Variants in ATP2C2 observed in about 807,000 individuals in gnomAD.
ATP2C2 encodes calcium-transporting ATPase type 2C member 2.
Under a neutral mutation model 110.8 loss-of-function variants are expected in ATP2C2, and 171 were observed. That is an observed-to-expected ratio of 1.54 (90% confidence interval 1.36 to 1.75). The LOEUF is 1.75. ATP2C2 is among the 40% of genes most tolerant of loss of function. The probability of loss-of-function intolerance (pLI) is 0.00; values close to 1 mark genes in which losing one functional copy is unlikely to be tolerated. For missense variants in ATP2C2, 1,963 were observed against 1,235.0 expected (o/e 1.59, Z -8.84); for synonymous variants, 804 against 508.4 (o/e 1.58, Z -7.82).
intron 1 of ATP2C2, among the ~76,000 whole-genome samples, chr16:84,385,608 T>G (rs966819994): frequency 6.6e-6 from 1 of 152,218 alleles, no homozygotes; most frequent in Non-Finnish European, 1.5e-5. Flanking sequence ...TATCTGAGAC[T>G]GAGTAATTTA....
chr16:84,432,743 A>C (rs146475398), intron 11 of ATP2C2, among the ~76,000 whole-genome samples: 7,193 of 151,464 alleles, frequency 0.047, 186 homozygotes, highest in Middle Eastern at 0.075. Context: ...CTCATCTCGA[A>C]CTCCTGACCT....
intron 18 of ATP2C2, 112 bp from the exon 19 acceptor site, chr16:84,453,026 C>T (rs761793686): frequency 2.7e-6 from 3 of 1,130,524 alleles, no homozygotes; most frequent in Admixed American, 4.3e-5. Flanking sequence ...CCTCAGTAAA[C>T]CGTCTCCAGC....
chr16:84,422,573 G>A (rs377548282), intron 8 of ATP2C2, 34 bp downstream of exon 8: 48 of 1,611,590 alleles, frequency 3.0e-5, no homozygotes, highest in South Asian at 5.5e-5. Context: ...TTGGGCTCCC[G>A]TAACCCACAG....
intron 1 of ATP2C2, among the ~76,000 whole-genome samples, chr16:84,387,650 G>T (rs1056243536): frequency 1.3e-5 from 2 of 152,232 alleles, no homozygotes; most frequent in Non-Finnish European, 2.9e-5. Flanking sequence ...GTTATTCATG[G>T]AAATGCACCA....
Position 84,460,867 on chromosome 16 carries a change from T to A in ATP2C2, c.2481+66T>A. ...GCGGTGCAGACGCTGGGGACTGCAGTCCCTGCCCTCCTGCCACAGCTCACA... is the reference window on the plus strand; with the variant it reads ...GCGGTGCAGACGCTGGGGACTGCAGACCCTGCCCTCCTGCCACAGCTCACA... On this transcript the variant is annotated intron_variant, in intron 24 of 26. Coordinates refer to ENST00000262429, the MANE Select transcript of ATP2C2 (RefSeq NM_014861.4). 1.3e-6 allele frequency: 2 copies of A among 1,513,446 alleles called. 1 individual carries two copies. The highest frequency in any genetic ancestry group is 4.0e-5 in the Admixed American group (2 of 50,020). 93.8% of individuals were successfully genotyped at this position (1,513,446 alleles called of 1,614,324 possible). A position where few individuals can be genotyped will look rare whatever the true frequency, so the allele number is the denominator to read the frequency against.
At chr16:84,451,182 A>G (rs757300189) in intron 17 of ATP2C2, among the ~76,000 whole-genome samples, 13 of 152,168 alleles carry the variant, frequency 8.5e-5, no homozygotes, top group Non-Finnish European at 1.8e-4. Flanking sequence ...ATGAGAGCCA[A>G]GCCTAAGGGG....
intron 11 of ATP2C2, among the ~76,000 whole-genome samples, chr16:84,431,525 T>C (rs1488943311): frequency 2.9e-4 from 44 of 151,580 alleles, no homozygotes. Flanking sequence ...TAGAAGGGGA[T>C]GGACTGGAAG....
rs1567701412 is a variant in ATP2C2 at position 84,408,441 on chromosome 16, G to A, written c.364G>A (p.Ala122Thr). 1 of 1,613,838 alleles carries A rather than the reference G, an allele frequency of 6.2e-7. No individual in the cohort carries two copies. Among genetic ancestry groups the A allele is most frequent in the Non-Finnish European group, 8.5e-7 (1 of 1,180,000 alleles). Residue 122 changes from alanine to threonine, a missense_variant, in exon 4 of 27, where the codon GCC becomes ACC. Transcript: ENST00000262429. ...CCTGATCCTGCTGCTGCTGGGCTCT[G>A]CCCTGGTGAGTGTCCTCACCAAGGA... ...NPLILLLLGS[A>T]LVSVLTKEYE...
intron 26 of ATP2C2, 132 bp from the exon 27 acceptor site, chr16:84,463,482 C>A: frequency 4.0e-6 from 3 of 744,948 alleles, no homozygotes; most frequent in African/African-American, 1.7e-5. Flanking sequence ...ATCTCCCTGC[C>A]TTCAGGGGAA....
rs763590348 is a variant in ATP2C2, at chr16:84,461,822, G to C, written c.2580+10G>C. The C allele has an allele frequency of 5.6e-6, 9 of 1,612,884 alleles. No homozygotes were observed. In the Admixed American group the frequency reaches 1.3e-4, roughly 24 times the overall value. On this transcript the variant is annotated intron_variant, in intron 25 of 26. Coordinates refer to ENST00000262429, the MANE Select transcript of ATP2C2 (RefSeq NM_014861.4). ...GACCTGCCGCTCTCAGGTGAGACCCGGGCTGACCCTCCTCGCTGCAGAGCT... is the reference window on the plus strand; with the variant it reads ...GACCTGCCGCTCTCAGGTGAGACCCCGGCTGACCCTCCTCGCTGCAGAGCT...
chr16:84,419,510 T>C lies in ATP2C2; in HGVS notation c.625-2880T>C, dbSNP rs569065024. On this transcript the variant is annotated intron_variant, in intron 7 of 26. Coordinates refer to ENST00000262429, the MANE Select transcript of ATP2C2 (RefSeq NM_014861.4). ...CCTTCAGTTAGTCACGTCTGCATAGTCTCTGTCACCACATCAGAGAACACA... is the reference window on the plus strand; with the variant it reads ...CCTTCAGTTAGTCACGTCTGCATAGCCTCTGTCACCACATCAGAGAACACA... Among the ~76,000 whole-genome samples, 13 of 152,314 alleles carry C rather than the reference T, an allele frequency of 8.5e-5. No individual in the cohort carries two copies. In the East Asian group the frequency reaches 2.5e-3, roughly 29 times the overall value.
At chr16:84,402,025 T>C (rs1905358511) in intron 2 of ATP2C2, among the ~76,000 whole-genome samples, 1 of 152,214 alleles carries the variant, frequency 6.6e-6, no homozygotes, top group Non-Finnish European at 1.5e-5. Context: ...TTTTATAGTT[T>C]TCATTGTAGA....
intron 11 of ATP2C2, among the ~76,000 whole-genome samples, chr16:84,438,548 A>T (rs1215468659): frequency 6.6e-6 from 1 of 152,174 alleles, no homozygotes; most frequent in East Asian, 1.9e-4. Flanking sequence ...CTCTCCTCGA[A>T]TCCAGCCAAC....
At chr16:84,445,937 C>A (rs991377316) in intron 15 of ATP2C2, among the ~76,000 whole-genome samples, 2 of 152,174 alleles carry the variant, frequency 1.3e-5, no homozygotes, top group African/African-American at 4.8e-5. Flanking sequence ...CTGGCAAGGA[C>A]CCCAGGCTGT....
At chr16:84,453,284 A>T in intron 19 of ATP2C2, 37 bp from the exon 20 acceptor site, 2 of 1,614,024 alleles carry the variant, frequency 1.2e-6, no homozygotes, top group Non-Finnish European at 1.7e-6. Flanking sequence ...CACAGCTTTG[A>T]AATCTGATTC....
In ATP2C2 at chr16:84,422,693, A is replaced by C; in HGVS notation, c.839A>C (p.Glu280Ala). 1 of 1,612,112 alleles carries C rather than the reference A, an allele frequency of 6.2e-7. No homozygotes were observed. The highest frequency in any genetic ancestry group is 8.5e-7 in the Non-Finnish European group (1 of 1,179,316). The change falls in exon 9 of 27, where the codon GAA becomes GCA. Residue 280 changes from glutamate to alanine, a missense_variant. Coordinates refer to ENST00000262429, the MANE Select transcript of ATP2C2 (RefSeq NM_014861.4). ...FGEVFKMMQA[E>A]ETPKTPLQKS... ...GAAGTGTTTAAGATGATGCAGGCTG[A>C]AGAGGTAAGGGGCAGGAGGGGGCTT... is the stretch of plus-strand genomic sequence containing the variant.
At chr16:84,412,508 C>A (rs2435176) in intron 6 of ATP2C2, among the ~76,000 whole-genome samples, 2 of 146,682 alleles carry the variant, frequency 1.4e-5, no homozygotes, top group Non-Finnish European at 3.0e-5. Flanking sequence ...GTATATGTGT[C>A]TGTGTGTGTC....
intron 6 of ATP2C2, 89 bp from the exon 7 acceptor site, chr16:84,415,394 T>A: frequency 1.8e-6 from 2 of 1,088,408 alleles, no homozygotes; most frequent in Non-Finnish European, 2.8e-6. Flanking sequence ...GAGAAAAGTG[T>A]GTTTCTATTC....
At chr16:84,388,385 A>G (rs1904443105) in intron 1 of ATP2C2, among the ~76,000 whole-genome samples, 1 of 152,214 alleles carries the variant, frequency 6.6e-6, no homozygotes, top group Admixed American at 6.5e-5. Context: ...AGTCCTCTAC[A>G]GAACTTGCTG....
Sources: allele counts gnomAD v4.1 joint callset (sites outside exome capture counted in the v4.1 genomes callset), GRCh38; gene constraint gnomAD v4.1.1; transcripts MANE v1.5; gene names NCBI Gene and HGNC (gene_info 2026-07-23, HGNC 2026-07-21).